UMAD1: variants seen among roughly 807,000 people sequenced by gnomAD.
UMAD1 encodes the protein UBAP1-MVB12-associated (UMA) domain containing 1, also known as UBAP1-MVB12-associated (UMA)-domain containing protein 1.
In UMAD1, 8 loss-of-function variants were observed where a neutral mutation model predicts 6.1. The ratio of observed to expected loss-of-function variants is 1.30; its 90% CI spans 0.76 to 2.35. UMAD1 has a LOEUF of 2.35. UMAD1 is among the 30% of genes most tolerant of loss of function. The pLI, the probability that UMAD1 is intolerant of heterozygous loss-of-function variation, is 0.00. For synonymous variants in UMAD1, 56 were observed against 31.4 expected, an observed-to-expected ratio of 1.78 and a Z score of -2.61; for missense variants, 130 against 78.4, an observed-to-expected ratio of 1.66 and a Z score of -2.49.
intron 2 of UMAD1, among the ~76,000 whole-genome samples, chr7:7,682,939 C>G (rs1779948417): frequency 6.6e-6 from 1 of 152,180 alleles, no homozygotes; most frequent in Non-Finnish European, 1.5e-5. Flanking sequence ...GTCACTGTTA[C>G]CTGATTCTGG....
chr7:7,856,008 C>A (rs1488353409), intron 3 of UMAD1, among the ~76,000 whole-genome samples: 1 of 152,168 alleles, frequency 6.6e-6, no homozygotes, highest in Non-Finnish European at 1.5e-5. Flanking sequence ...CACCTGAGAC[C>A]ACTCACCCTG....
chr7:7,877,710 A>G lies in UMAD1; in HGVS notation c.*172A>G. 1.8e-6 allele frequency: 1 copy of G among 570,654 alleles called. No homozygotes were observed. Among genetic ancestry groups the G allele is most frequent in the Non-Finnish European group, 3.1e-6 (1 of 321,360 alleles). 35.3% of individuals were successfully genotyped at this position (570,654 alleles called of 1,614,324 possible). On this transcript the variant is annotated 3_prime_UTR_variant, in exon 4 of 4. Coordinates refer to ENST00000682710, the MANE Select transcript of UMAD1 (RefSeq NM_001302348.2). ...TTTTAAGAAAAAGGTACATTTGTAT[A>G]CAAATTGAACTTAAGTTCTACTTCC...
intron 2 of UMAD1, chr7:7,689,309 T>TGGCA (rs1780116933): frequency 6.6e-6 from 1 of 152,208 alleles, no homozygotes; most frequent in Admixed American, 6.5e-5. Flanking sequence ...GATGATGTTT[T>TGGCA]ATCTATCATT....
At chr7:7,768,565 GA>G (rs1197303755) in intron 2 of UMAD1, among the ~76,000 whole-genome samples, 1 of 152,002 alleles carries the variant, frequency 6.6e-6, no homozygotes, top group African/African-American at 2.4e-5. Flanking sequence ...GAGGAGGCCT[GA>G]AAACTCCTCC....
At chr7:7,738,214 T>C (rs923285445) in intron 2 of UMAD1, among the ~76,000 whole-genome samples, 6 of 152,244 alleles carry the variant, frequency 3.9e-5, no homozygotes, top group African/African-American at 1.4e-4. Context: ...TGGAAGAATT[T>C]AGTATATTTT....
At chr7:7,723,784 A>C (rs1319084037) in intron 2 of UMAD1, among the ~76,000 whole-genome samples, 4 of 152,330 alleles carry the variant, frequency 2.6e-5, no homozygotes, top group Middle Eastern at 6.8e-3. Flanking sequence ...AGGTAGGCAT[A>C]GCTACTGTAA....
intron 3 of UMAD1, among the ~76,000 whole-genome samples, 154 bp downstream of exon 3, chr7:7,801,897 A>C (rs994494953): frequency 6.6e-6 from 1 of 152,262 alleles, no homozygotes; most frequent in Non-Finnish European, 1.5e-5. Context: ...AGTGGAGAGC[A>C]GTACAGGGAG....
chr7:7,642,962 C>A (rs766840586), intron 1 of UMAD1, among the ~76,000 whole-genome samples: 1 of 152,080 alleles, frequency 6.6e-6, no homozygotes, highest in East Asian at 1.9e-4. Flanking sequence ...CTTCTGACTT[C>A]TTTTGTTTGT....
chr7:7,693,338 C>CTATCTATCTATCTAT (rs1563128548), intron 2 of UMAD1, among the ~76,000 whole-genome samples: 1 of 44,696 alleles, frequency 2.2e-5, no homozygotes, highest in African/African-American at 7.1e-5. Context: ...TATCTATCTA[C>CTATCTATCTATCTAT]ATTATTTCGG....
chr7:7,732,834 A>G (rs573408331), intron 2 of UMAD1, among the ~76,000 whole-genome samples: 3 of 152,232 alleles, frequency 2.0e-5, no homozygotes, highest in Admixed American at 2.0e-4. Flanking sequence ...TGAATGTGTT[A>G]TATGGAAAAA....
chr7:7,693,740 A>G (rs946993857), intron 2 of UMAD1, among the ~76,000 whole-genome samples: 8 of 152,118 alleles, frequency 5.3e-5, no homozygotes, highest in African/African-American at 1.9e-4. Flanking sequence ...ATGAACGTGA[A>G]GTTTTATATC....
At chr7:7,820,497 G>A (rs115809158) in intron 3 of UMAD1, among the ~76,000 whole-genome samples, 2,315 of 152,262 alleles carry the variant, frequency 0.015, 58 homozygotes, top group African/African-American at 0.052. Context: ...AAAATATTAT[G>A]TCTTTTAAAT....
chr7:7,781,150 C>T (rs915757666), intron 2 of UMAD1, among the ~76,000 whole-genome samples: 8 of 152,174 alleles, frequency 5.3e-5, no homozygotes, highest in East Asian at 3.9e-4. Flanking sequence ...GACACATAAA[C>T]ATTCAATAAC....
At chr7:7,845,443 A>G (rs993245395) in intron 3 of UMAD1, among the ~76,000 whole-genome samples, 1 of 152,132 alleles carries the variant, frequency 6.6e-6, no homozygotes, top group African/African-American at 2.4e-5. Context: ...GCTTTAGGTC[A>G]CATAGCATTT....
At chr7:7,832,741 C>T (rs1563243868) in intron 3 of UMAD1, among the ~76,000 whole-genome samples, 2 of 152,110 alleles carry the variant, frequency 1.3e-5, no homozygotes, top group African/African-American at 4.8e-5. Context: ...TTGTTAACTT[C>T]TAGGATTTTA....
intron 2 of UMAD1, among the ~76,000 whole-genome samples, chr7:7,722,395 A>G (rs1353716708): frequency 1.3e-5 from 2 of 152,098 alleles, no homozygotes; most frequent in Non-Finnish European, 2.9e-5. Context: ...AATGGTATAG[A>G]GAACACTGAT....
intron 2 of UMAD1, among the ~76,000 whole-genome samples, chr7:7,782,260 T>C (rs780461685): frequency 1.1e-4 from 17 of 151,846 alleles, no homozygotes; most frequent in Non-Finnish European, 2.2e-4. Flanking sequence ...AAAATAAAAA[T>C]CTTTCAGTTT....
At chr7:7,702,444 G>C (rs530039207) in intron 2 of UMAD1, among the ~76,000 whole-genome samples, 1 of 152,188 alleles carries the variant, frequency 6.6e-6, no homozygotes, top group African/African-American at 2.4e-5. Flanking sequence ...GAAAATTCTG[G>C]TTGGGGAGGC....
rs1020534109 is a variant in UMAD1 at position 7,799,266 on chromosome 7, G to T, written c.83-2404G>T. Among the ~76,000 whole-genome samples the T allele has an allele frequency of 2.0e-5, 3 of 152,320 alleles. No individual in the cohort carries two copies. In the South Asian group the frequency reaches 6.2e-4, roughly 32 times the overall value. On this transcript the variant is annotated intron_variant, in intron 2 of 3. Coordinates refer to ENST00000682710, the MANE Select transcript of UMAD1 (RefSeq NM_001302348.2). Reference sequence around the variant, plus strand: ...TTTCATTTTTATGCCTTTGTTTACAGAGAAACAATCTTGCAGATGGCAATT... The same window carrying T: ...TTTCATTTTTATGCCTTTGTTTACATAGAAACAATCTTGCAGATGGCAATT...
Sources: allele counts gnomAD v4.1 joint callset (sites outside exome capture counted in the v4.1 genomes callset), GRCh38; gene constraint gnomAD v4.1.1; transcripts MANE v1.5; gene names NCBI Gene and HGNC (gene_info 2026-07-23, HGNC 2026-07-21).